ANGPT1: variants seen among roughly 807,000 people sequenced by gnomAD.
ANGPT1 encodes angiopoietin 1, also known as angiopoietin-1.
Under a neutral mutation model 62.2 loss-of-function variants are expected in ANGPT1, and 17 were observed. The observed-to-expected ratio is 0.27, with a 90% CI of 0.19 to 0.41. The LOEUF is 0.41. Ranked by LOEUF, ANGPT1 falls within the 10% of genes least tolerant of loss-of-function variation. The probability of loss-of-function intolerance (pLI) is 1.00; values close to 1 mark genes in which losing one functional copy is unlikely to be tolerated. For missense variants in ANGPT1, 478 were observed against 594.9 expected (o/e 0.80, Z 2.04); for synonymous variants, 199 against 198.9 (o/e 1.00, Z 0.00).
chr8:107,396,345 G>A (rs1816932735), intron 1 of ANGPT1, among the ~76,000 whole-genome samples: 2 of 151,862 alleles, frequency 1.3e-5, no homozygotes, highest in South Asian at 4.2e-4. Flanking sequence ...ACACCAATAG[G>A]CATTTAAGTC....
At chr8:107,373,822 C>T (rs1429102037) in intron 1 of ANGPT1, among the ~76,000 whole-genome samples, 1 of 152,204 alleles carries the variant, frequency 6.6e-6, no homozygotes, top group Non-Finnish European at 1.5e-5. Flanking sequence ...TTATTAAAAA[C>T]AGAGAATTAA....
intron 1 of ANGPT1, among the ~76,000 whole-genome samples, chr8:107,473,458 A>G (rs1037132749): frequency 6.2e-4 from 92 of 148,184 alleles, no homozygotes; most frequent in African/African-American, 2.2e-3. Context: ...AGGTTGTCTA[A>G]AAAAAAAGCT....
chr8:107,343,570 A>G (rs1455736554), intron 2 of ANGPT1, among the ~76,000 whole-genome samples: 1 of 152,210 alleles, frequency 6.6e-6, no homozygotes, highest in African/African-American at 2.4e-5. Context: ...GCACTGGTCA[A>G]TTATACTTCC....
At chr8:107,348,448 C>T (rs925289210) in intron 1 of ANGPT1, among the ~76,000 whole-genome samples, 1 of 152,132 alleles carries the variant, frequency 6.6e-6, no homozygotes, top group Admixed American at 6.6e-5. Context: ...CAATCAAACT[C>T]TTATTATTAT....
chr8:107,337,080 T>C (rs1031368990), intron 2 of ANGPT1, among the ~76,000 whole-genome samples: 1 of 152,210 alleles, frequency 6.6e-6, no homozygotes. Context: ...CCGGATATCA[T>C]GACCACCTAT....
intron 1 of ANGPT1, among the ~76,000 whole-genome samples, chr8:107,407,978 A>G (rs1008076238): frequency 2.6e-5 from 4 of 152,206 alleles, no homozygotes; most frequent in Non-Finnish European, 5.9e-5. Context: ...TCTTTTATTT[A>G]TTCACACATA....
intron 1 of ANGPT1, among the ~76,000 whole-genome samples, chr8:107,419,693 C>T (rs1394116865): frequency 2.0e-5 from 3 of 151,956 alleles, no homozygotes; most frequent in East Asian, 1.9e-4. Flanking sequence ...AATTTTCCTC[C>T]CCTACAGAGA....
chr8:107,415,816 T>C (rs1007349447), intron 1 of ANGPT1, among the ~76,000 whole-genome samples: 15 of 152,134 alleles, frequency 9.9e-5, no homozygotes, highest in African/African-American at 3.6e-4. Context: ...AGCCAACCTT[T>C]CCCTATATCC....
At chr8:107,307,585 T>G (rs1009904991) in intron 4 of ANGPT1, among the ~76,000 whole-genome samples, 1 of 152,124 alleles carries the variant, frequency 6.6e-6, no homozygotes, top group Non-Finnish European at 1.5e-5. Context: ...CCTCGCGTTT[T>G]TTGTTGACCT....
chr8:107,256,305 A>G (rs911834465), intron 8 of ANGPT1, among the ~76,000 whole-genome samples: 1 of 152,348 alleles, frequency 6.6e-6, no homozygotes, highest in African/African-American at 2.4e-5. Flanking sequence ...TCTTTGATAT[A>G]TACATTAAAA....
At chr8:107,327,601 C>T (rs1280698026) in intron 3 of ANGPT1, among the ~76,000 whole-genome samples, 1 of 152,052 alleles carries the variant, frequency 6.6e-6, no homozygotes, top group Non-Finnish European at 1.5e-5. Context: ...TATTAAGATG[C>T]TTCTTTTAGG....
intron 1 of ANGPT1, among the ~76,000 whole-genome samples, chr8:107,489,722 A>G (rs1812908409): frequency 6.6e-6 from 1 of 152,142 alleles, no homozygotes; most frequent in Non-Finnish European, 1.5e-5. Flanking sequence ...CCTCTTTGAT[A>G]AGAGAGGGGG....
chr8:107,329,932 TGATCA>T (rs898393143), intron 3 of ANGPT1, among the ~76,000 whole-genome samples: 11 of 152,106 alleles, frequency 7.2e-5, no homozygotes, highest in Non-Finnish European at 7.4e-5. Flanking sequence ...TATTATAATG[TGATCA>T]GATAAGTGAA....
At chr8:107,262,965 T>C (rs1303921621) in intron 8 of ANGPT1, among the ~76,000 whole-genome samples, 1 of 152,218 alleles carries the variant, frequency 6.6e-6, no homozygotes, top group East Asian at 1.9e-4. Flanking sequence ...TTAAATCTAC[T>C]ATTTGTTAAA....
At chr8:107,281,206 G>GT (rs777323576) in intron 7 of ANGPT1, among the ~76,000 whole-genome samples, 12 of 151,936 alleles carry the variant, frequency 7.9e-5, no homozygotes, top group Non-Finnish European at 1.2e-4. Flanking sequence ...CATGATAAAT[G>GT]TTTTTTTAAA....
At chr8:107,317,257 A>G (rs1320593090) in intron 4 of ANGPT1, among the ~76,000 whole-genome samples, 1 of 152,234 alleles carries the variant, frequency 6.6e-6, no homozygotes, top group Non-Finnish European at 1.5e-5. Flanking sequence ...CAGTAGTCTG[A>G]GCAATATTTG....
chr8:107,293,785 T>C, intron 6 of ANGPT1, 151 bp downstream of exon 6: 1 of 576,010 alleles, frequency 1.7e-6, no homozygotes, highest in Non-Finnish European at 3.0e-6. Context: ...GATTTATGAG[T>C]GTTTTGTGTC....
intron 1 of ANGPT1, among the ~76,000 whole-genome samples, chr8:107,493,469 A>G (rs1813017280): frequency 6.6e-6 from 1 of 150,536 alleles, no homozygotes; most frequent in African/African-American, 2.5e-5. Flanking sequence ...TTACTGGTTA[A>G]ATATAATTTG....
chr8:107,441,973 A>G (rs1441517221), intron 1 of ANGPT1, among the ~76,000 whole-genome samples: 1 of 152,020 alleles, frequency 6.6e-6, no homozygotes, highest in Admixed American at 6.6e-5. Flanking sequence ...AATCGCGGCT[A>G]CTCAGGAGGT....
Sources: gnomAD v4.1 joint callset for allele counts (sites outside exome capture counted in the v4.1 genomes callset) on GRCh38, gnomAD v4.1.1 for gene constraint, MANE v1.5 for transcripts, NCBI Gene and HGNC (gene_info 2026-07-23, HGNC 2026-07-21) for gene names.